HELQ: variants seen among roughly 807,000 people sequenced by gnomAD.
The protein encoded by HELQ is helicase, POLQ like, also known as helicase POLQ-like.
Under a neutral mutation model 111.6 loss-of-function variants are expected in HELQ, and 77 were observed. The ratio of observed to expected loss-of-function variants is 0.69; its 90% confidence interval spans 0.57 to 0.83. HELQ has a LOEUF of 0.83. HELQ is among the 40% of genes least tolerant of loss of function. The pLI, the probability that HELQ is intolerant of heterozygous loss-of-function variation, is 0.00. For missense variants in HELQ, 1,200 were observed against 1,288.5 expected, an observed-to-expected ratio of 0.93 and a Z score of 1.05; for synonymous variants, 438 against 454.7, an observed-to-expected ratio of 0.96 and a Z score of 0.47.
intron 11 of HELQ, among the ~76,000 whole-genome samples, chr4:83,429,959 T>A (rs1232797060): frequency 6.6e-6 from 1 of 152,178 alleles, no homozygotes; most frequent in Non-Finnish European, 1.5e-5. Flanking sequence ...TCATGCTTTT[T>A]ATGAAAACAT....
Position 83,446,764 on chromosome 4 carries a change from C to T in HELQ, c.1392+71G>A, listed in dbSNP as rs974674429. 5 of 926,746 alleles carry T rather than the reference C, an allele frequency of 5.4e-6. No homozygotes were observed. In the African/African-American group the frequency reaches 6.8e-5, roughly 13 times the overall value. The allele number at this position is 926,746 out of a possible 1,614,324, so 57.4% of individuals were successfully genotyped here. A position where few individuals can be genotyped will look rare whatever the true frequency, so the allele number is the denominator to read the frequency against. ...GAGGTACTAAGGTACTAAGTAGATC[C>T]ACACAATAACCAGAATAATAAATAT... On this transcript the variant is annotated intron_variant, in intron 4 of 17. Transcript: ENST00000295488.
Position 83,443,603 on chromosome 4 carries a change from T to C in HELQ, c.1477A>G (p.Ile493Val). 3 of 1,512,112 alleles carry C rather than the reference T, an allele frequency of 2.0e-6. No homozygotes were observed. The highest frequency in any genetic ancestry group is 2.7e-6 in the Non-Finnish European group (3 of 1,101,456). 93.7% of individuals were successfully genotyped at this position (1,512,112 alleles called of 1,614,324 possible). A position where few individuals can be genotyped will look rare whatever the true frequency, so the allele number is the denominator to read the frequency against. ...KILYTSKTTQ[I>V]IGMSATLNNV... Reference sequence around the variant, plus strand: ...TTTAATGTTGCACTCATACCAATAATTTGAGTCGTTTCTAAAACACAAACA... The same window carrying C: ...TTTAATGTTGCACTCATACCAATAACTTGAGTCGTTTCTAAAACACAAACA... Residue 493 changes from isoleucine to valine, a missense_variant, in exon 6 of 18, where the codon ATT becomes GTT. Ile to Val is a conservative substitution (Grantham distance 29). This residue lies in a region of HELQ where 610 missense variants were observed against 607.1 expected (regional missense o/e 1.00). Coordinates refer to ENST00000295488, the MANE Select transcript of HELQ (RefSeq NM_133636.5).
At chr4:83,447,173 C>T (rs1721096893) in intron 3 of HELQ, 138 bp from the exon 4 acceptor site, 1 of 599,856 alleles carries the variant, frequency 1.7e-6, no homozygotes, top group Non-Finnish European at 2.9e-6. Flanking sequence ...CACAGTGAGA[C>T]CTCATCTCTA....
At position 83,455,393 on chromosome 4, in the gene HELQ, G is replaced by A; in HGVS notation, c.297+4C>T. The A allele has an allele frequency of 6.2e-7, 1 of 1,608,648 alleles. No individual in the cohort carries two copies. Among genetic ancestry groups the A allele is most frequent in the Non-Finnish European group, 8.5e-7 (1 of 1,175,390 alleles). On this transcript the variant is annotated splice_donor_region_variant and intron_variant, in intron 1 of 17. Transcript: ENST00000295488. ...TGCAGTTTCAAGTTCCAAGTCCTCC[G>A]TACCTGGTCTCCCACCCCTCTGTCA...
intron 17 of HELQ, among the ~76,000 whole-genome samples, chr4:83,410,595 A>C (rs1247097212): frequency 6.6e-6 from 1 of 152,190 alleles, no homozygotes; most frequent in Non-Finnish European, 1.5e-5. Context: ...AAAGAGGAAG[A>C]CTATATAGCA....
chr4:83,410,250 A>C (rs1004691824), intron 17 of HELQ, among the ~76,000 whole-genome samples: 2 of 152,032 alleles, frequency 1.3e-5, no homozygotes, highest in Admixed American at 1.3e-4. Flanking sequence ...GTTCCTCCCC[A>C]CTCCCCCTAA....
In HELQ at chr4:83,441,434, C is replaced by T. The variant is rs141177681; in HGVS notation, c.1564-31G>A. The T allele has an allele frequency of 2.2e-4, 219 of 988,296 alleles. 1 individual carries two copies. Among genetic ancestry groups the T allele is most frequent in the Middle Eastern group, 2.3e-4 (1 of 4,416 alleles). The allele number at this position is 988,296 out of a possible 1,614,324, so 61.2% of individuals were successfully genotyped here. ...ATTAAAAGGACATTTGCAATTAATA[C>T]GACATATAAATTCATCTTTCCAGTG... On this transcript the variant is annotated intron_variant, in intron 6 of 17. Coordinates refer to ENST00000295488, the MANE Select transcript of HELQ (RefSeq NM_133636.5).
At position 83,407,429 on chromosome 4, in the gene HELQ, T is replaced by C. The variant is rs369435071; in HGVS notation, c.*24A>G. 1 of 1,398,856 alleles carries C rather than the reference T, an allele frequency of 7.1e-7. No homozygotes were observed. Among genetic ancestry groups the C allele is most frequent in the African/African-American group, 1.5e-5 (1 of 68,506 alleles). The allele number at this position is 1,398,856 out of a possible 1,614,324, so 86.7% of individuals were successfully genotyped here. A position where few individuals can be genotyped will look rare whatever the true frequency, so the allele number is the denominator to read the frequency against. On this transcript the variant is annotated 3_prime_UTR_variant, in exon 18 of 18. Coordinates refer to ENST00000295488, the MANE Select transcript of HELQ (RefSeq NM_133636.5). ...ACACATGTACAATAAATAATTCATA[T>C]ATGAAAATTCTCATCAGATAGCTTC...
chr4:83,435,585 A>G (rs34487323), intron 9 of HELQ, among the ~76,000 whole-genome samples: 11,816 of 152,126 alleles, frequency 0.078, 1,530 homozygotes, highest in African/African-American at 0.27. Context: ...TAAAAAAAAA[A>G]AAATCAGAGA....
At position 83,436,997 on chromosome 4, in the gene HELQ, G is replaced by A. The variant is rs752179740; in HGVS notation, c.1909C>T (p.Pro637Ser). ...NLCPVLKRTI[P>S]FGVAYHHSGL... Reference sequence around the variant, plus strand: ...CTGTGGTGATAGGCAACTCCAAATGGGATAGTGCGCTTTAAAACAGGACAC... The same window carrying A: ...CTGTGGTGATAGGCAACTCCAAATGAGATAGTGCGCTTTAAAACAGGACAC... The change falls in exon 9 of 18, where the codon CCA becomes TCA. Residue 637 changes from proline (P) to serine (S), a missense_variant. Physicochemically the swap from Pro to Ser is moderately conservative, Grantham distance 74. Around this residue, in one of 3 missense-constraint regions of HELQ, gnomAD observed 585 missense variants for 665.3 expected, o/e 0.88. Coordinates refer to ENST00000295488, the MANE Select transcript of HELQ (RefSeq NM_133636.5). 1 of 1,614,014 alleles carries A rather than the reference G, an allele frequency of 6.2e-7. No individual in the cohort carries two copies. The highest frequency in any genetic ancestry group is 8.5e-7 in the Non-Finnish European group (1 of 1,179,976).
intron 13 of HELQ, among the ~76,000 whole-genome samples, chr4:83,427,264 C>T (rs1719895952): frequency 6.6e-6 from 1 of 151,770 alleles, no homozygotes; most frequent in African/African-American, 2.4e-5. Context: ...ACCATAAATG[C>T]TGTTGCCAGA....
At chr4:83,437,153 C>A in intron 8 of HELQ, 56 bp from the exon 9 acceptor site, 1 of 1,532,924 alleles carries the variant, frequency 6.5e-7, no homozygotes, top group Non-Finnish European at 8.9e-7. Flanking sequence ...GACAAAATTT[C>A]TACCATTTTC....
chr4:83,453,798 A>T lies in HELQ; in HGVS notation c.445T>A (p.Cys149Ser), dbSNP rs747458653. ...HATDFATENL[C>S]SESIKNKLSI... is the part of the protein sequence containing the mutation. Reference sequence around the variant, plus strand: ...AGTTTGTTTTTGATACTTTCCGAGCAAAGATTTTCAGTGGCAAAGTCTGTA... The same window carrying T: ...AGTTTGTTTTTGATACTTTCCGAGCTAAGATTTTCAGTGGCAAAGTCTGTA... The change falls in exon 2 of 18, where the codon TGC becomes AGC. Residue 149 changes from cysteine (C) to serine (S), a missense_variant. Physicochemically the swap from Cys to Ser is moderately radical, Grantham distance 112 (BLOSUM62 -1). Coordinates refer to ENST00000295488, the MANE Select transcript of HELQ (RefSeq NM_133636.5). The T allele has an allele frequency of 8.7e-6, 14 of 1,614,076 alleles. No homozygotes were observed. The East Asian group carries it at 2.7e-4, about 31-fold the overall frequency.
chr4:83,442,737 G>C (rs973650818), intron 6 of HELQ, among the ~76,000 whole-genome samples: 1 of 151,770 alleles, frequency 6.6e-6, no homozygotes, highest in Non-Finnish European at 1.5e-5. Flanking sequence ...TTTTTGTAGA[G>C]ACAGGGGTCT....
chr4:83,454,581 G>GA (rs1445986042), intron 1 of HELQ, among the ~76,000 whole-genome samples: 1 of 149,466 alleles, frequency 6.7e-6, no homozygotes. Context: ...GGCTAATTAA[G>GA]AAAAAAAAAT....
At chr4:83,430,901 G>A (rs751482446) in intron 11 of HELQ, among the ~76,000 whole-genome samples, 4 of 151,806 alleles carry the variant, frequency 2.6e-5, no homozygotes, top group Non-Finnish European at 4.4e-5. Context: ...AGGGGGGCAG[G>A]GGAACCTTTA....
intron 17 of HELQ, among the ~76,000 whole-genome samples, chr4:83,412,598 G>C (rs1739161654): frequency 6.6e-6 from 1 of 152,184 alleles, no homozygotes; most frequent in Admixed American, 6.5e-5. Context: ...AGCCAAGATG[G>C]AAGGATTGCT....
rs922495342 is a variant in HELQ at position 83,420,864 on chromosome 4, G to A, written c.2949+699C>T. 3.3e-5 allele frequency among the ~76,000 whole-genome samples: 5 copies of A among 152,106 alleles called. No homozygotes were observed. The East Asian group carries it at 5.8e-4, about 18-fold the overall frequency. The stretch of plus-strand genomic sequence containing the variant: ...GAGGCAGAAGGACTGCCTGAGCTCT[G>A]GAGGTCAAAGCTGCAGTGAGCCTGG... On this transcript the variant is annotated intron_variant, in intron 15 of 17. Coordinates refer to ENST00000295488, the MANE Select transcript of HELQ (RefSeq NM_133636.5).
chr4:83,434,160 C>T (rs1202451692), intron 9 of HELQ, among the ~76,000 whole-genome samples: 1 of 151,956 alleles, frequency 6.6e-6, no homozygotes, highest in Admixed American at 6.5e-5. Context: ...CACCTGAGGT[C>T]AGGAGTTTGA....
Sources: gnomAD v4.1 joint callset for allele counts (sites outside exome capture counted in the v4.1 genomes callset) on GRCh38, gnomAD v4.1.1 for gene constraint, gnomAD v4.1.1 regional missense constraint, MANE v1.5 for transcripts, NCBI Gene and HGNC (gene_info 2026-07-23, HGNC 2026-07-21) for gene names.